Variants in USP2 observed in about 807,000 individuals in gnomAD.
The protein encoded by USP2 is ubiquitin specific peptidase 2.
In USP2, 33 loss-of-function variants were observed where a neutral mutation model predicts 72.0. The ratio of observed to expected loss-of-function variants is 0.46; its 90% CI spans 0.35 to 0.61. The LOEUF (loss-of-function observed/expected upper bound fraction) is 0.61, where lower values mean the gene tolerates loss of function less well. USP2 is among the 20% of genes least tolerant of loss of function. USP2 has a pLI of 0.01. For synonymous variants in USP2, 296 were observed against 312.5 expected (o/e 0.95, Z 0.56); for missense variants, 691 against 797.8 (o/e 0.87, Z 1.61).
In USP2 at chr11:119,367,870, C is replaced by G. The variant is rs193018811; in HGVS notation, c.774+4837G>C. Among the ~76,000 whole-genome samples, 36 of 152,318 alleles carry G rather than the reference C, an allele frequency of 2.4e-4. No homozygotes were observed. The East Asian group carries it at 6.6e-3, about 28-fold the overall frequency. On this transcript the variant is annotated intron_variant, in intron 2 of 12. Coordinates refer to ENST00000260187, the MANE Select transcript of USP2 (RefSeq NM_004205.5). The stretch of plus-strand genomic sequence containing the variant: ...GCAGCTGGTGGTCAGTGGAGCGGCT[C>G]CCCCAGGGGCAAGGAACATTTTGCC...
chr11:119,362,683 CAG>C (rs1950782323), intron 2 of USP2, among the ~76,000 whole-genome samples: 1 of 152,174 alleles, frequency 6.6e-6, no homozygotes, highest in African/African-American at 2.4e-5. Context: ...AATCCTACCT[CAG>C]GGTCGACAGG....
intron 12 of USP2, 116 bp from the exon 13 acceptor site, chr11:119,357,038 C>A: frequency 1.4e-6 from 2 of 1,427,200 alleles, no homozygotes; most frequent in African/African-American, 1.5e-5. Context: ...TCCCCACGGG[C>A]AGCGGCTTCG....
chr11:119,358,087 C>T (rs769518322), intron 8 of USP2, 26 bp from the exon 9 acceptor site: 3 of 1,614,122 alleles, frequency 1.9e-6, no homozygotes, highest in Admixed American at 3.3e-5. Flanking sequence ...AAGCAAAGGT[C>T]AGAGGTCAAC....
Position 119,373,421 on chromosome 11 carries a change from G to A in USP2, c.60C>T (p.Ala20=), listed in dbSNP as rs559478072. Residue 20 remains alanine, a synonymous_variant, in exon 2 of 13, where the codon GCC becomes GCT. Transcript: ENST00000260187. ...CACCATAGCCCGACTTGGCATAGTG[G>A]GCATCTGTGTAGCGGGCCGATTCTG... ...RYTESARYTD[A]HYAKSGYGAY... is the part of the protein sequence containing the mutation. 3.9e-5 allele frequency: 63 copies of A among 1,604,622 alleles called. No homozygotes were observed. The African/African-American group carries it at 7.5e-4, about 19-fold the overall frequency.
intron 1 of USP2, among the ~76,000 whole-genome samples, chr11:119,380,221 G>A (rs1591339423): frequency 6.6e-6 from 1 of 151,890 alleles, no homozygotes; most frequent in Non-Finnish European, 1.5e-5. Context: ...CCGGCCGGAA[G>A]TGTGCCTTTC....
intron 1 of USP2, among the ~76,000 whole-genome samples, chr11:119,381,165 T>C (rs1951054508): frequency 6.6e-6 from 1 of 152,012 alleles, no homozygotes; most frequent in South Asian, 2.1e-4. Flanking sequence ...GGAGGGGGTT[T>C]GTCAGTGTCG....
At chr11:119,371,240 G>A (rs955608370) in intron 2 of USP2, among the ~76,000 whole-genome samples, 15 of 152,232 alleles carry the variant, frequency 9.9e-5, no homozygotes, top group Middle Eastern at 6.8e-3. Flanking sequence ...AGCAAGGGGA[G>A]GGAGCCCCGC....
In USP2 at chr11:119,363,402, G is replaced by A. The variant is rs1950794897; in HGVS notation, c.775-3168C>T. On this transcript the variant is annotated intron_variant, in intron 2 of 12. Coordinates refer to ENST00000260187, the MANE Select transcript of USP2 (RefSeq NM_004205.5). ...AAGGACCCCCGTCACCAACCCTTGGGAAAGAGCCCTTGGTGGACAGTGAAG... is the reference window on the plus strand; with the variant it reads ...AAGGACCCCCGTCACCAACCCTTGGAAAAGAGCCCTTGGTGGACAGTGAAG... Among the ~76,000 whole-genome samples, 3 of 152,230 alleles carry A rather than the reference G, an allele frequency of 2.0e-5. No individual in the cohort carries two copies. In the South Asian group the frequency reaches 6.2e-4, roughly 31 times the overall value.
Position 119,359,646 on chromosome 11 carries a change from T to C in USP2, c.840A>G (p.Ser280=). Reference sequence around the variant, plus strand: ...GAGTGTTGCTCAGGCACTGCAGAATTGAGTTCATGAAGCACTGCAAGAGAT... The same window carrying C: ...GAGTGTTGCTCAGGCACTGCAGAATCGAGTTCATGAAGCACTGCAAGAGAT... ...RNLGNTCFMN[S]ILQCLSNTRE... is the part of the protein sequence containing the mutation. Residue 280 remains serine (S), a synonymous_variant, in exon 4 of 13, where the codon TCA becomes TCG. Coordinates refer to ENST00000260187, the MANE Select transcript of USP2 (RefSeq NM_004205.5). 1 of 1,613,722 alleles carries C rather than the reference T, an allele frequency of 6.2e-7. No homozygotes were observed. Among genetic ancestry groups the C allele is most frequent in the African/African-American group, 1.3e-5 (1 of 75,026 alleles).
In USP2 at chr11:119,381,624, CG is replaced by C; in HGVS notation, c.-194del. ...CTGCCTGACTCTCTCCCACCTCCGC[CG>C]GGGGCCCAGAAGGGACCTCCCCGGG... On this transcript the variant is annotated 5_prime_UTR_variant, in exon 1 of 13. It removes the in-frame stop codon of an upstream open reading frame in the 5' UTR. Transcript: ENST00000260187. The C allele has an allele frequency of 2.1e-6, 3 of 1,437,772 alleles. No homozygotes were observed. Among genetic ancestry groups the C allele is most frequent in the Non-Finnish European group, 2.8e-6 (3 of 1,060,182 alleles). 89.1% of individuals were successfully genotyped at this position (1,437,772 alleles called of 1,614,324 possible). A position where few individuals can be genotyped will look rare whatever the true frequency, so the allele number is the denominator to read the frequency against.
chr11:119,371,265 C>G (rs1294018409), intron 2 of USP2, among the ~76,000 whole-genome samples: 3 of 152,120 alleles, frequency 2.0e-5, no homozygotes, highest in Non-Finnish European at 2.9e-5. Context: ...GCTTCTAGGA[C>G]CCGAGCCCCT....
At chr11:119,364,054 G>T in intron 2 of USP2, 2 of 1,274,498 alleles carry the variant, frequency 1.6e-6, no homozygotes, top group South Asian at 5.0e-5. Context: ...GGGGCGCGGG[G>T]GGAGTCCCCG....
At chr11:119,365,456 G>A (rs1204289507) in intron 2 of USP2, among the ~76,000 whole-genome samples, 2 of 152,214 alleles carry the variant, frequency 1.3e-5, no homozygotes, top group Non-Finnish European at 2.9e-5. Context: ...GAGTGGGCAT[G>A]TGAGGAGTGG....
rs1411444198 is a variant in USP2, at chr11:119,381,522, C to G, written c.-91G>C. On this transcript the variant is annotated 5_prime_UTR_variant, in exon 1 of 13. Coordinates refer to ENST00000260187, the MANE Select transcript of USP2 (RefSeq NM_004205.5). ...AGTCGAACCGGGCACAAGCATGGAG[C>G]TGCGGGTGAGTCCCGGCTGGCGCTG... 6.5e-7 allele frequency: 1 copy of G among 1,536,194 alleles called. No homozygotes were observed. Among genetic ancestry groups the G allele is most frequent in the South Asian group, 1.2e-5 (1 of 84,068 alleles).
chr11:119,373,387 G>A lies in USP2; in HGVS notation c.94C>T (p.Pro32Ser), dbSNP rs1450174339. 6.2e-7 allele frequency: 1 copy of A among 1,609,492 alleles called. No homozygotes were observed. The highest frequency in any genetic ancestry group is 1.3e-5 in the African/African-American group (1 of 74,914). Residue 32 changes from proline to serine, a missense_variant, in exon 2 of 13, where the codon CCG becomes TCG. Pro to Ser is a moderately conservative substitution (Grantham distance 74, BLOSUM62 -1). Coordinates refer to ENST00000260187, the MANE Select transcript of USP2 (RefSeq NM_004205.5). The part of the protein sequence containing the change: ...YAKSGYGAYT[P>S]SSYGANLAAS... Reference sequence around the variant, plus strand: ...GCCAGATTGGCCCCATAGGAGGACGGGGTGTAGGCACCATAGCCCGACTTG... The same window carrying A: ...GCCAGATTGGCCCCATAGGAGGACGAGGTGTAGGCACCATAGCCCGACTTG...
intron 2 of USP2, among the ~76,000 whole-genome samples, chr11:119,368,533 C>T (rs968720174): frequency 6.6e-6 from 1 of 152,232 alleles, no homozygotes; most frequent in Non-Finnish European, 1.5e-5. Flanking sequence ...ATGACCTCAG[C>T]TTATATAATC....
chr11:119,367,952 G>C (rs1427324536), intron 2 of USP2, among the ~76,000 whole-genome samples: 1 of 152,172 alleles, frequency 6.6e-6, no homozygotes, highest in Non-Finnish European at 1.5e-5. Flanking sequence ...ATTAACTCAT[G>C]AAGACATCCT....
chr11:119,373,859 C>T (rs777819124), intron 1 of USP2, among the ~76,000 whole-genome samples: 1 of 152,226 alleles, frequency 6.6e-6, no homozygotes, highest in Non-Finnish European at 1.5e-5. Context: ...GGTCAAATCC[C>T]ATTGCCTCAG....
At chr11:119,376,113 G>T in intron 1 of USP2, 2 of 920,364 alleles carry the variant, frequency 2.2e-6, no homozygotes, top group Non-Finnish European at 2.6e-6. Flanking sequence ...TCCTACTGGG[G>T]CCGGGGCCTT....
Sources: allele counts gnomAD v4.1 joint callset (sites outside exome capture counted in the v4.1 genomes callset), GRCh38; gene constraint gnomAD v4.1.1; transcripts MANE v1.5; gene names NCBI Gene and HGNC (gene_info 2026-07-23, HGNC 2026-07-21).